HERC1: variants seen among roughly 807,000 people sequenced by gnomAD.
The protein encoded by HERC1 is HECT and RLD domain containing E3 ubiquitin protein ligase family member 1, also known as probable E3 ubiquitin-protein ligase HERC1.
A neutral mutation model predicts 554.3 loss-of-function variants in HERC1; 160 were observed. That is an observed-to-expected ratio of 0.29 (90% CI 0.25 to 0.33). The LOEUF is 0.33. HERC1 is among the 10% of genes least tolerant of loss of function. The probability of loss-of-function intolerance (pLI) is 1.00; values close to 1 mark genes in which losing one functional copy is unlikely to be tolerated. For synonymous variants in HERC1, 2,175 were observed against 2,131.7 expected, an observed-to-expected ratio of 1.02 and a Z score of -0.56; for missense variants, 4,919 against 5,918.5, an observed-to-expected ratio of 0.83 and a Z score of 5.54.
intron 3 of HERC1, among the ~76,000 whole-genome samples, chr15:63,762,784 G>T (rs901915047): frequency 2.0e-5 from 3 of 152,148 alleles, no homozygotes; most frequent in African/African-American, 7.2e-5. Flanking sequence ...GTCAATAAGG[G>T]AATCTCTTCA....
chr15:63,775,366 C>G lies in HERC1; in HGVS notation c.258G>C (p.Gln86His), dbSNP rs765746302. ...AACATACCATCTTTGCCAATGCTAG[C>G]TGGCTGCTAAGAAGGGCATCCAAAT... Reference protein sequence around the residue: ...DHYLDALLSSQLALAKMVCSD... With the variant: ...DHYLDALLSSHLALAKMVCSD... The change falls in exon 2 of 78, where the codon CAG becomes CAC. Residue 86 changes from glutamine to histidine, a missense_variant. By Grantham distance (24) the Gln-to-His change is conservative (BLOSUM62 0). Around this residue, in one of 11 missense-constraint regions of HERC1, gnomAD observed 110 missense variants for 99.3 expected, o/e 1.11. Coordinates refer to ENST00000443617, the MANE Select transcript of HERC1 (RefSeq NM_003922.4). This position sits in a 1 kb window ranked among gnomAD's most constrained non-coding sequence, Gnocchi z 4.0. 6.2e-7 allele frequency: 1 copy of G among 1,613,928 alleles called. No individual in the cohort carries two copies. Among genetic ancestry groups the G allele is most frequent in the Non-Finnish European group, 8.5e-7 (1 of 1,179,826 alleles).
chr15:63,645,100 TAAA>T lies in HERC1; in HGVS notation c.11079-6_11079-4del. ...ATACTAAGCCACTCTGACAGCCACTTAAAAAAATTGATCACATAAAACCAAAAC... is the reference window on the plus strand; with the variant it reads ...ATACTAAGCCACTCTGACAGCCACTTAAAATTGATCACATAAAACCAAAAC... On this transcript the variant is annotated splice_region_variant and splice_polypyrimidine_tract_variant and intron_variant, in intron 56 of 77. Coordinates refer to ENST00000443617, the MANE Select transcript of HERC1 (RefSeq NM_003922.4). 6.2e-7 allele frequency: 1 copy of T among 1,612,492 alleles called. No homozygotes were observed. Among genetic ancestry groups the T allele is most frequent in the Non-Finnish European group, 8.5e-7 (1 of 1,178,734 alleles).
chr15:63,758,325 T>C lies in HERC1; in HGVS notation c.1071A>G (p.Pro357=), dbSNP rs555959517. 4 of 1,610,888 alleles carry C rather than the reference T, an allele frequency of 2.5e-6. No individual in the cohort carries two copies. Among genetic ancestry groups the C allele is most frequent in the Non-Finnish European group, 3.4e-6 (4 of 1,177,346 alleles). ...GAGCATCACCAGTCTGAATGCTATC[T>C]GGGCTAGCACATGTTCTCGAATAAT... ...ASDYSRTCAS[P]DSIQTGDAPI... Residue 357 remains proline, a synonymous_variant, in exon 4 of 78, where the codon CCA becomes CCG. Transcript: ENST00000443617. This position sits in a 1 kb window ranked among gnomAD's most constrained non-coding sequence, Gnocchi z 4.0.
Position 63,661,017 on chromosome 15 carries a change from C to T in HERC1, c.9179G>A (p.Gly3060Glu). 1 of 1,611,842 alleles carries T rather than the reference C, an allele frequency of 6.2e-7. No individual in the cohort carries two copies. Among genetic ancestry groups the T allele is most frequent in the Non-Finnish European group, 8.5e-7 (1 of 1,178,050 alleles). ...SKSTSSERYK[G>E]QAPDLIGKQD... ...CTTGCCAATTAGATCTGGAGCTTGT[C>T]CCTTGTACCTGCACCAAACATGAAG... The change falls in exon 46 of 78, where the codon GGA becomes GAA. Residue 3060 changes from glycine (G) to glutamate (E), a missense_variant. Gly to Glu is a moderately conservative substitution (Grantham distance 98, BLOSUM62 -2). Coordinates refer to ENST00000443617, the MANE Select transcript of HERC1 (RefSeq NM_003922.4).
At chr15:63,785,283 GCATGGTGGTACACGA>G (rs2076403869) in intron 1 of HERC1, among the ~76,000 whole-genome samples, 1 of 152,000 alleles carries the variant, frequency 6.6e-6, no homozygotes, top group Non-Finnish European at 1.5e-5. Flanking sequence ...AATTATCTGG[GCATGGTGGTACACGA>G]CTGTGGTCCC....
At chr15:63,671,781 C>T (rs965085191) in intron 39 of HERC1, among the ~76,000 whole-genome samples, 6 of 152,050 alleles carry the variant, frequency 3.9e-5, no homozygotes, top group East Asian at 3.9e-4. Flanking sequence ...CAGTGAAAAT[C>T]GTAATGCCTT....
intron 37 of HERC1, among the ~76,000 whole-genome samples, chr15:63,676,354 G>A (rs931942695): frequency 6.6e-6 from 1 of 152,168 alleles, no homozygotes; most frequent in Non-Finnish European, 1.5e-5. Context: ...ATTAACCCCT[G>A]AAATTGTGTG....
At chr15:63,651,758 G>C (rs56163012) in intron 52 of HERC1, among the ~76,000 whole-genome samples, 24,696 of 152,226 alleles carry the variant, frequency 0.16, 2,332 homozygotes, top group Middle Eastern at 0.21. Context: ...TAAAAATGCG[G>C]CTGGGCGTAG....
Position 63,663,061 on chromosome 15 carries a change from T to C in HERC1, c.8824A>G (p.Met2942Val), listed in dbSNP as rs758066455. Residue 2942 changes from methionine to valine, a missense_variant, in exon 44 of 78, where the codon ATG becomes GTG. By Grantham distance (21) the Met-to-Val change is conservative. This residue lies in a region of HERC1 where 1,963 missense variants were observed against 2,228.6 expected (regional missense o/e 0.88). Transcript: ENST00000443617. The stretch of plus-strand genomic sequence containing the variant: ...TCACTGGTCAGGTCTTGTCCAAACA[T>C]AGCTTCCATCGCCTCATCATCAAGA... ...IDLDDEAMEA[M>V]FGQDLTSDND... The C allele has an allele frequency of 1.9e-6, 3 of 1,613,980 alleles. No homozygotes were observed. The highest frequency in any genetic ancestry group is 1.7e-5 in the Admixed American group (1 of 60,022).
chr15:63,664,616 C>G (rs769632424), intron 42 of HERC1, 22 bp from the exon 43 acceptor site: 1 of 1,604,552 alleles, frequency 6.2e-7, no homozygotes, highest in African/African-American at 1.3e-5. Flanking sequence ...AGTGAGAAAG[C>G]AACACAAAGT....
chr15:63,621,698 C>CT (rs2068085151), intron 74 of HERC1, among the ~76,000 whole-genome samples: 2 of 152,052 alleles, frequency 1.3e-5, no homozygotes, highest in South Asian at 4.2e-4. Flanking sequence ...TCTTTTTATT[C>CT]TTTTTTCTCT....
chr15:63,681,064 A>G (rs781213730), intron 34 of HERC1, among the ~76,000 whole-genome samples: 22 of 152,256 alleles, frequency 1.4e-4, no homozygotes, highest in Non-Finnish European at 2.4e-4. Context: ...AAGTATGTTT[A>G]GTCCAGAAAT....
In HERC1 at chr15:63,756,566, A is replaced by G. The variant is rs758393126; in HGVS notation, c.1404T>C (p.Gly468=). ...CTTCTGTCGTAAAGGCTAAAGTGTG[A>G]CCATCAGATCCTTTAGAAGATGAAA... ...KKVSSSKGSD[G]HTLAFTTEGE... is the part of the protein sequence containing the mutation. Residue 468 remains glycine (G), a synonymous_variant, in exon 5 of 78, where the codon GGT becomes GGC. Coordinates refer to ENST00000443617, the MANE Select transcript of HERC1 (RefSeq NM_003922.4). The surrounding 1 kb of genome is among the most constrained non-coding windows in gnomAD (Gnocchi z 5.0). 2 of 1,613,800 alleles carry G rather than the reference A, an allele frequency of 1.2e-6. No individual in the cohort carries two copies. The highest frequency in any genetic ancestry group is 2.7e-5 in the African/African-American group (2 of 74,934).
At chr15:63,709,063 C>A (rs1439350091) in intron 24 of HERC1, among the ~76,000 whole-genome samples, 1 of 152,220 alleles carries the variant, frequency 6.6e-6, no homozygotes, top group African/African-American at 2.4e-5. Context: ...CATCTCGGCT[C>A]ACTATAACCT....
chr15:63,777,155 A>G (rs1159549542), intron 1 of HERC1, among the ~76,000 whole-genome samples: 1 of 152,224 alleles, frequency 6.6e-6, no homozygotes, highest in Non-Finnish European at 1.5e-5. Context: ...AAGCACTCCA[A>G]TGATAAAGAT....
chr15:63,694,576 T>C lies in HERC1; in HGVS notation c.5243-27A>G. 1 of 1,582,726 alleles carries C rather than the reference T, an allele frequency of 6.3e-7. No homozygotes were observed. Among genetic ancestry groups the C allele is most frequent in the Non-Finnish European group, 8.7e-7 (1 of 1,152,416 alleles). ...TAAAAGACAAAGAGACAGTTAAGAA[T>C]CTTCCTTTCAGTAAACAAAGCATTT... On this transcript the variant is annotated intron_variant, in intron 28 of 77. Transcript: ENST00000443617. The surrounding 1 kb of genome is among the most constrained non-coding windows in gnomAD (Gnocchi z 4.3).
intron 1 of HERC1, among the ~76,000 whole-genome samples, chr15:63,826,377 C>A (rs1403486525): frequency 6.6e-6 from 1 of 152,136 alleles, no homozygotes; most frequent in Non-Finnish European, 1.5e-5. Context: ...ACTGCCATTA[C>A]TGGTCCAAAT....
intron 75 of HERC1, 49 bp from the exon 76 acceptor site, chr15:63,615,969 C>A (rs1300526711): frequency 6.9e-7 from 1 of 1,452,084 alleles, no homozygotes; most frequent in South Asian, 1.3e-5. Context: ...GAAATGACAG[C>A]AAAAAGTATT....
intron 8 of HERC1, among the ~76,000 whole-genome samples, chr15:63,750,661 G>A (rs2075206547): frequency 6.6e-6 from 1 of 152,222 alleles, no homozygotes; most frequent in African/African-American, 2.4e-5. Context: ...TCCGGATGTA[G>A]TGGCTTAAGC....
Sources: allele counts gnomAD v4.1 joint callset (sites outside exome capture counted in the v4.1 genomes callset), GRCh38; gene constraint gnomAD v4.1.1; regional missense constraint gnomAD v4.1.1; non-coding constraint Gnocchi (gnomAD v3.1); transcripts MANE v1.5; gene names NCBI Gene and HGNC (gene_info 2026-07-23, HGNC 2026-07-21).